The following ARMH4 variants were observed in gnomAD, a reference collection of about 807,000 sequenced individuals.
ARMH4 encodes armadillo-like helical domain-containing protein 4.
ARMH4 carries 49 observed loss-of-function variants against 61.9 expected under a neutral mutation model. The ratio of observed to expected loss-of-function variants is 0.79; its 90% CI spans 0.63 to 1.00. The LOEUF is 1.00. Among genes scored for constraint, ARMH4 ranks in the 50% least tolerant of loss-of-function variants. ARMH4 has a pLI of 0.00. For synonymous variants in ARMH4, 368 were observed against 341.5 expected, an observed-to-expected ratio of 1.08 and a Z score of -0.85; for missense variants, 934 against 930.0, an observed-to-expected ratio of 1.00 and a Z score of -0.06.
intron 4 of ARMH4, 138 bp from the exon 5 acceptor site, chr14:58,097,119 C>T (rs998398015): frequency 4.2e-6 from 4 of 948,722 alleles, no homozygotes; most frequent in East Asian, 2.4e-5. Flanking sequence ...CAAAGTCAGA[C>T]AATGTGAACT....
chr14:58,137,160 CA>C (rs1203534687), intron 2 of ARMH4, among the ~76,000 whole-genome samples: 1 of 152,028 alleles, frequency 6.6e-6, no homozygotes, highest in Non-Finnish European at 1.5e-5. Flanking sequence ...ATAATAGTAT[CA>C]GGGTTTTTCA....
intron 7 of ARMH4, 32 bp from the exon 8 acceptor site, chr14:58,004,836 C>G (rs1351885750): frequency 6.3e-7 from 1 of 1,590,798 alleles, no homozygotes; most frequent in Admixed American, 1.7e-5. Flanking sequence ...GCATTAAACT[C>G]TTTCTGCCAC....
chr14:58,057,870 G>C (rs929453322), intron 5 of ARMH4, among the ~76,000 whole-genome samples: 3 of 152,168 alleles, frequency 2.0e-5, no homozygotes, highest in Admixed American at 6.5e-5. Context: ...AAATCAACAA[G>C]AGAGAGGACC....
intron 4 of ARMH4, among the ~76,000 whole-genome samples, chr14:58,127,693 T>A (rs1566593071): frequency 6.6e-6 from 1 of 152,172 alleles, no homozygotes; most frequent in African/African-American, 2.4e-5. Context: ...ATTGCTTTTT[T>A]CTTGCAGAAG....
Position 58,085,824 on chromosome 14 carries a change from T to C in ARMH4, c.2089+10900A>G, listed in dbSNP as rs933423243. 3.3e-5 allele frequency among the ~76,000 whole-genome samples: 5 copies of C among 152,148 alleles called. No individual in the cohort carries two copies. In the East Asian group the frequency reaches 9.6e-4, roughly 29 times the overall value. On this transcript the variant is annotated intron_variant, in intron 5 of 7. Transcript: ENST00000267485. ...CCAACAAGTTCAAATTTACTTTTAG[T>C]GAAACTTTGGTACCATTAACCCAAC...
chr14:58,015,923 T>G, intron 5 of ARMH4, among the ~76,000 whole-genome samples: 1 of 151,290 alleles, frequency 6.6e-6, no homozygotes, highest in South Asian at 2.1e-4. Flanking sequence ...TTAATAAAAT[T>G]TAAAGATGAT....
At chr14:58,145,541 C>A (rs1311799678) in intron 1 of ARMH4, among the ~76,000 whole-genome samples, 2 of 152,186 alleles carry the variant, frequency 1.3e-5, no homozygotes, top group Non-Finnish European at 2.9e-5. Flanking sequence ...ATAATAAAGA[C>A]TTAATACAGC....
intron 1 of ARMH4, among the ~76,000 whole-genome samples, chr14:58,150,670 G>C (rs998691172): frequency 2.0e-5 from 3 of 152,100 alleles, no homozygotes; most frequent in Admixed American, 6.5e-5. Context: ...GGTGAGCCTT[G>C]GGAGTTTCTA....
intron 4 of ARMH4, among the ~76,000 whole-genome samples, chr14:58,107,275 C>G (rs1285047808): frequency 6.6e-6 from 1 of 152,154 alleles, no homozygotes; most frequent in East Asian, 1.9e-4. Flanking sequence ...AGTAGGAACA[C>G]CTGTTCCCCA....
chr14:58,136,442 C>T (rs528869651), intron 2 of ARMH4, among the ~76,000 whole-genome samples: 2 of 152,270 alleles, frequency 1.3e-5, no homozygotes, highest in South Asian at 4.1e-4. Flanking sequence ...GTGCACCCAA[C>T]TCCATGTAAA....
At chr14:58,030,539 T>C (rs1030274080) in intron 5 of ARMH4, among the ~76,000 whole-genome samples, 6 of 152,228 alleles carry the variant, frequency 3.9e-5, no homozygotes, top group Non-Finnish European at 8.8e-5. Context: ...CTACCGTATA[T>C]TCATAATGTC....
chr14:58,104,760 C>A (rs1180390080), intron 4 of ARMH4, among the ~76,000 whole-genome samples: 1 of 152,212 alleles, frequency 6.6e-6, no homozygotes, highest in Non-Finnish European at 1.5e-5. Flanking sequence ...ACGGTCTTGT[C>A]CCCTGGTATA....
intron 4 of ARMH4, among the ~76,000 whole-genome samples, chr14:58,105,503 A>G (rs981852941): frequency 3.3e-5 from 5 of 152,136 alleles, no homozygotes; most frequent in Non-Finnish European, 7.3e-5. Context: ...CCTGGCCAAC[A>G]TGGTAAAACC....
chr14:58,097,844 T>C (rs1465238268), intron 4 of ARMH4, among the ~76,000 whole-genome samples: 1 of 152,144 alleles, frequency 6.6e-6, no homozygotes, highest in African/African-American at 2.4e-5. Context: ...ATGCTAGTAT[T>C]ATAGGCGTGA....
At chr14:58,012,629 T>C (rs985137548) in intron 5 of ARMH4, among the ~76,000 whole-genome samples, 10 of 152,142 alleles carry the variant, frequency 6.6e-5, no homozygotes, top group Admixed American at 3.9e-4. Context: ...GAGAAGCATT[T>C]GCAATCATAT....
At chr14:58,043,947 G>C (rs565384131) in intron 5 of ARMH4, among the ~76,000 whole-genome samples, 2 of 152,214 alleles carry the variant, frequency 1.3e-5, no homozygotes, top group East Asian at 3.9e-4. Flanking sequence ...ACAAACCACT[G>C]CTCAATGAAA....
Position 58,139,076 on chromosome 14 carries a change from C to A in ARMH4, c.283G>T (p.Glu95Ter). 6.2e-7 allele frequency: 1 copy of A among 1,614,164 alleles called. No individual in the cohort carries two copies. Among genetic ancestry groups the A allele is most frequent in the Middle Eastern group, 1.6e-4 (1 of 6,062 alleles). ...AGCCCAGCTTGTCCAGGCTGGGTTTCTTTGTTAATCGAGAATGCTTTATTT... is the reference window on the plus strand; with the variant it reads ...AGCCCAGCTTGTCCAGGCTGGGTTTATTTGTTAATCGAGAATGCTTTATTT... ...SLNKAFSINK[E>*]TQPGQAGLMQ... Residue 95 changes from glutamate (E) to a stop codon, truncating the protein, a stop_gained, in exon 2 of 8, where the codon GAA (glutamate) becomes TAA (stop). Transcript: ENST00000267485. LOFTEE classifies it high-confidence loss of function.
intron 4 of ARMH4, among the ~76,000 whole-genome samples, chr14:58,124,579 T>C (rs912481676): frequency 1.8e-4 from 27 of 152,204 alleles, no homozygotes; most frequent in African/African-American, 5.8e-4. Flanking sequence ...CTCTATTACT[T>C]GAAGGGCCAG....
intron 5 of ARMH4, among the ~76,000 whole-genome samples, chr14:58,045,558 ATATG>A (rs1883905810): frequency 6.6e-6 from 1 of 151,928 alleles, no homozygotes. Context: ...ACATGTATAC[ATATG>A]TAACAAACCT....
Sources: allele counts gnomAD v4.1 joint callset (sites outside exome capture counted in the v4.1 genomes callset), GRCh38; gene constraint gnomAD v4.1.1; transcripts MANE v1.5; gene names NCBI Gene and HGNC (gene_info 2026-07-23, HGNC 2026-07-21).